The following MATR3 variants were observed in gnomAD, a reference collection of about 807,000 sequenced individuals.
MATR3 encodes matrin-3.
MATR3 carries 4 observed loss-of-function variants against 85.5 expected under a neutral mutation model. The ratio of observed to expected loss-of-function variants is 0.05; its 90% CI spans 0.02 to 0.11. MATR3 has a LOEUF of 0.11. MATR3 is among the 10% of genes least tolerant of loss of function. MATR3 has a pLI of 1.00. For missense variants in MATR3, 685 were observed against 1,016.1 expected (o/e 0.67, Z 4.43); for synonymous variants, 336 against 343.1 (o/e 0.98, Z 0.23).
intron 14 of MATR3, among the ~76,000 whole-genome samples, chr5:139,326,503 C>G (rs922623488): frequency 6.6e-6 from 1 of 151,770 alleles, no homozygotes; most frequent in African/African-American, 2.4e-5. Flanking sequence ...TCACTGCAAC[C>G]TCTACCTCCT....
intron 7 of MATR3, 102 bp downstream of exon 7, chr5:139,317,823 T>C: frequency 1.7e-6 from 2 of 1,189,582 alleles, no homozygotes; most frequent in Non-Finnish European, 2.4e-6. Context: ...CTCAAGGTAA[T>C]CTTAAGTTTA....
intron 3 of MATR3, among the ~76,000 whole-genome samples, chr5:139,286,838 C>A (rs1275471987): frequency 2.0e-5 from 2 of 101,464 alleles, no homozygotes; most frequent in African/African-American, 2.8e-5. Flanking sequence ...AGCCAGACTC[C>A]GTCTCAAAAA....
chr5:139,294,090 T>C (rs1253754970), intron 1 of MATR3: 3 of 1,259,468 alleles, frequency 2.4e-6, no homozygotes, highest in East Asian at 6.3e-5. Flanking sequence ...CGGGAGATTT[T>C]GGGTGAAGAG....
chr5:139,303,071 C>T (rs1305790120), intron 1 of MATR3, among the ~76,000 whole-genome samples: 8 of 148,634 alleles, frequency 5.4e-5, no homozygotes, highest in African/African-American at 1.7e-4. Context: ...TTAATTCTGA[C>T]TACAAAGACT....
rs1561933424 is a variant in MATR3 at position 139,307,925 on chromosome 5, A to G, written c.510A>G (p.Pro170=). 5.0e-6 allele frequency: 8 copies of G among 1,614,146 alleles called. No homozygotes were observed. Among genetic ancestry groups the G allele is most frequent in the Non-Finnish European group, 5.9e-6 (7 of 1,180,014 alleles). The change falls in exon 2 of 15, where the codon CCA becomes CCG. Residue 170 remains proline, a synonymous_variant. Coordinates refer to ENST00000394805, the MANE Select transcript of MATR3 (RefSeq NM_018834.6). This position sits in a 1 kb window ranked among gnomAD's most constrained non-coding sequence, Gnocchi z 4.4. ...RDGRSATREP[P]YRVPRDDWEE... ...GCAGATCTGCTACACGGGAGCCACC[A>G]TACAGAGTACCTAGGGATGATTGGG... is the stretch of plus-strand genomic sequence containing the variant.
At chr5:139,287,169 TTGA>T (rs1290508370) in intron 3 of MATR3, among the ~76,000 whole-genome samples, 1 of 152,248 alleles carries the variant, frequency 6.6e-6, no homozygotes, top group African/African-American at 2.4e-5. Context: ...AAAAATGTCA[TTGA>T]TGACAGGACT....
intron 13 of MATR3, among the ~76,000 whole-genome samples, 176 bp downstream of exon 13, chr5:139,325,838 G>A (rs1477068153): frequency 6.6e-6 from 1 of 152,180 alleles, no homozygotes; most frequent in African/African-American, 2.4e-5. Flanking sequence ...TCTCATGCAT[G>A]TCTCTGATTT....
chr5:139,322,102 C>A, intron 10 of MATR3, 73 bp downstream of exon 10: 1 of 1,499,866 alleles, frequency 6.7e-7, no homozygotes, highest in Non-Finnish European at 9.3e-7. Flanking sequence ...TTCTTTTAAA[C>A]ATTTTTGTAT....
At chr5:139,301,985 G>C (rs1268663421) in intron 1 of MATR3, among the ~76,000 whole-genome samples, 1 of 152,182 alleles carries the variant, frequency 6.6e-6, no homozygotes, top group Admixed American at 6.5e-5. Flanking sequence ...ACTAAAAATT[G>C]ACTTCACGTC....
At chr5:139,278,894 T>G (rs1234133943) in intron 2 of MATR3, 5 of 517,338 alleles carry the variant, frequency 9.7e-6, no homozygotes, top group African/African-American at 9.6e-5. Flanking sequence ...TTTGGTGTTG[T>G]AGCTGAGTAC....
At chr5:139,315,805 C>A (rs1755210877) in intron 4 of MATR3, 67 bp downstream of exon 4, 9 of 1,263,956 alleles carry the variant, frequency 7.1e-6, no homozygotes, top group African/African-American at 1.5e-5. Context: ...GTTTCACTTT[C>A]AACATTTCAT....
At chr5:139,306,672 T>C (rs1306770389) in intron 1 of MATR3, among the ~76,000 whole-genome samples, 1 of 152,218 alleles carries the variant, frequency 6.6e-6, no homozygotes, top group African/African-American at 2.4e-5. Context: ...CACATCTATC[T>C]TCACCTCAAA....
In MATR3 at chr5:139,318,866, T is replaced by C. The variant is rs201028263; in HGVS notation, c.1309-42T>C. The C allele has an allele frequency of 1.1e-4, 181 of 1,609,116 alleles. No individual in the cohort carries two copies. In the African/African-American group the frequency reaches 2.2e-3, roughly 19 times the overall value. ...AATCTTTAGTTCAATGTGAGAAAGC[T>C]GATTGGAAAAAACAGAGAAATAACT... On this transcript the variant is annotated intron_variant, in intron 7 of 14. Transcript: ENST00000394805.
At chr5:139,279,129 C>A in exon 3 of MATR3, 2 of 454,242 alleles carry the variant, frequency 4.4e-6, no homozygotes, top group Non-Finnish European at 4.4e-6. Context: ...AGATAAGTAA[C>A]GTATGTAGTC....
At chr5:139,287,679 C>T (rs1561921793) in intron 3 of MATR3, among the ~76,000 whole-genome samples, 1 of 151,460 alleles carries the variant, frequency 6.6e-6, no homozygotes, top group African/African-American at 2.4e-5. Context: ...CTTTCAAAGT[C>T]TCACCAGCAA....
intron 8 of MATR3, 67 bp from the exon 9 acceptor site, chr5:139,319,267 G>A: frequency 1.4e-6 from 2 of 1,468,748 alleles, no homozygotes; most frequent in Non-Finnish European, 1.9e-6. Context: ...GTAAAGACTA[G>A]GATGTTTTTA....
rs767592461 is a variant in MATR3, at chr5:139,331,485, CAG to C, written c.*2092_*2093del. Reference sequence around the variant, plus strand: ...CCTACATTTGAGAGCATTTAGAAATCAGAAATTATAATAAGCTGTTAGTGATA... The same window carrying C: ...CCTACATTTGAGAGCATTTAGAAATCAAATTATAATAAGCTGTTAGTGATA... On this transcript the variant is annotated 3_prime_UTR_variant, in exon 15 of 15. Transcript: ENST00000394805. The C allele has an allele frequency of 4.4e-6, 2 of 453,980 alleles. No individual in the cohort carries two copies. Among genetic ancestry groups the C allele is most frequent in the Non-Finnish European group, 8.8e-6 (2 of 226,796 alleles). The allele number at this position is 453,980 out of a possible 1,614,324, so 28.1% of individuals were successfully genotyped here.
At chr5:139,310,672 G>A (rs899746282) in intron 2 of MATR3, 1 of 152,164 alleles carries the variant, frequency 6.6e-6, no homozygotes, top group Non-Finnish European at 1.5e-5. Flanking sequence ...TGTGAAGTAA[G>A]AAACTTAAGT....
intron 1 of MATR3, among the ~76,000 whole-genome samples, chr5:139,301,362 C>T (rs1267925675): frequency 6.6e-6 from 1 of 151,816 alleles, no homozygotes; most frequent in Non-Finnish European, 1.5e-5. Context: ...CTCTGTCACC[C>T]AGGCTGGAGT....
Sources: allele counts gnomAD v4.1 joint callset (sites outside exome capture counted in the v4.1 genomes callset), GRCh38; gene constraint gnomAD v4.1.1; non-coding constraint Gnocchi (gnomAD v3.1); transcripts MANE v1.5; gene names NCBI Gene and HGNC (gene_info 2026-07-23, HGNC 2026-07-21).